TMEM132C: variants seen among roughly 807,000 people sequenced by gnomAD.
TMEM132C encodes the protein transmembrane protein 132C, also known as protein phosphatase 1, regulatory subunit 152.
In TMEM132C, 29 loss-of-function variants were observed where a neutral mutation model predicts 61.4. The ratio of observed to expected loss-of-function variants is 0.47; its 90% confidence interval spans 0.35 to 0.64. The LOEUF is 0.64. Among genes scored for constraint, TMEM132C ranks in the 30% least tolerant of loss-of-function variants. The probability of loss-of-function intolerance (pLI) is 0.00; values close to 1 mark genes in which losing one functional copy is unlikely to be tolerated. For missense variants in TMEM132C, 1,408 were observed against 1,476.9 expected (o/e 0.95, Z 0.76); for synonymous variants, 656 against 633.1 (o/e 1.04, Z -0.54).
chr12:128,669,018 A>G (rs1305584774), intron 4 of TMEM132C, among the ~76,000 whole-genome samples: 4 of 152,222 alleles, frequency 2.6e-5, no homozygotes, highest in Non-Finnish European at 5.9e-5. Context: ...GAGCATGGAT[A>G]TCTTTTGCAG....
chr12:128,288,277 C>T (rs375360456), intron 1 of TMEM132C: 52 of 152,356 alleles, frequency 3.4e-4, no homozygotes, highest in African/African-American at 1.2e-3. Context: ...AGGCTGGTCT[C>T]AAACTCCCTA....
At position 128,485,942 on chromosome 12, in the gene TMEM132C, A is replaced by G. The variant is rs11059714; in HGVS notation, c.975-58015A>G. 7.9e-5 allele frequency among the ~76,000 whole-genome samples: 12 copies of G among 152,330 alleles called. No individual in the cohort carries two copies. In the East Asian group the frequency reaches 1.9e-3, roughly 24 times the overall value. On this transcript the variant is annotated intron_variant, in intron 2 of 8. Coordinates refer to ENST00000435159, the MANE Select transcript of TMEM132C (RefSeq NM_001136103.3). ...GATGTATGTCATGTTTACAGCACGT[A>G]ACGCTTCAAAGTTAGACTTTGAGGT...
At chr12:128,561,985 G>T (rs965471359) in intron 3 of TMEM132C, among the ~76,000 whole-genome samples, 26 of 152,114 alleles carry the variant, frequency 1.7e-4, no homozygotes, top group African/African-American at 6.0e-4. Context: ...AGATGGGTGG[G>T]GTGTTGGGGG....
At chr12:128,308,764 C>T (rs79668906) in intron 1 of TMEM132C, among the ~76,000 whole-genome samples, 2,951 of 152,150 alleles carry the variant, frequency 0.019, 74 homozygotes, top group African/African-American at 0.06. Context: ...TGCACAAGGC[C>T]GGGGGTTTGC....
At chr12:128,531,114 A>G (rs35620012) in intron 2 of TMEM132C, among the ~76,000 whole-genome samples, 39,568 of 152,098 alleles carry the variant, frequency 0.26, 6,191 homozygotes, top group East Asian at 0.42. Flanking sequence ...ATGAAGAAAC[A>G]TTCCTTTTGC....
chr12:128,391,814 G>T (rs10773537), intron 1 of TMEM132C, among the ~76,000 whole-genome samples: 37,842 of 152,120 alleles, frequency 0.25, 5,342 homozygotes, highest in South Asian at 0.4. Context: ...TTTAGACCAG[G>T]GGTCTGGCAA....
intron 2 of TMEM132C, among the ~76,000 whole-genome samples, chr12:128,439,766 G>C (rs370260551): frequency 6.6e-6 from 1 of 152,060 alleles, no homozygotes; most frequent in East Asian, 1.9e-4. Context: ...GTCAAAGGGA[G>C]GGCACAATTG....
chr12:128,301,852 G>T (rs1871606253), intron 1 of TMEM132C, among the ~76,000 whole-genome samples: 1 of 152,182 alleles, frequency 6.6e-6, no homozygotes, highest in African/African-American at 2.4e-5. Context: ...GTTCCATGTG[G>T]CTGGGGAGGC....
chr12:128,626,973 C>T (rs1032523106), intron 4 of TMEM132C, among the ~76,000 whole-genome samples: 5 of 152,186 alleles, frequency 3.3e-5, no homozygotes, highest in African/African-American at 1.2e-4. Flanking sequence ...CACCAAGGGC[C>T]TCTCCCTAGT....
intron 1 of TMEM132C, among the ~76,000 whole-genome samples, chr12:128,362,560 C>A: frequency 6.6e-6 from 1 of 151,958 alleles, no homozygotes; most frequent in East Asian, 1.9e-4. Context: ...ATGCCTGGCA[C>A]CAGACGTGTT....
intron 3 of TMEM132C, among the ~76,000 whole-genome samples, chr12:128,546,235 A>T (rs1873945904): frequency 6.6e-6 from 1 of 152,220 alleles, no homozygotes; most frequent in African/African-American, 2.4e-5. Context: ...AAATGTGTTT[A>T]TGAGTCCCTT....
At chr12:128,371,136 G>A (rs538853490) in intron 1 of TMEM132C, among the ~76,000 whole-genome samples, 1 of 152,136 alleles carries the variant, frequency 6.6e-6, no homozygotes, top group African/African-American at 2.4e-5. Context: ...GGATTTAAAG[G>A]GAAGGGGTTT....
chr12:128,418,202 A>C (rs1386377399), intron 2 of TMEM132C, among the ~76,000 whole-genome samples: 1 of 152,334 alleles, frequency 6.6e-6, no homozygotes, highest in African/African-American at 2.4e-5. Flanking sequence ...ACGTTCCCCA[A>C]ACACGTGTGC....
At chr12:128,615,744 G>C (rs1306231021) in intron 3 of TMEM132C, among the ~76,000 whole-genome samples, 1 of 152,182 alleles carries the variant, frequency 6.6e-6, no homozygotes, top group Non-Finnish European at 1.5e-5. Flanking sequence ...CCCATGGACT[G>C]GTACCGGTTC....
At chr12:128,524,006 C>A (rs1386258727) in intron 2 of TMEM132C, among the ~76,000 whole-genome samples, 1 of 72,670 alleles carries the variant, frequency 1.4e-5, no homozygotes, top group Non-Finnish European at 2.7e-5. Flanking sequence ...GAGCAAGACG[C>A]CATCTCAAAA....
At chr12:128,604,567 G>GATACAAATGGATAGATAGATC (rs1325668423) in intron 3 of TMEM132C, among the ~76,000 whole-genome samples, 6 of 151,290 alleles carry the variant, frequency 4.0e-5, no homozygotes, top group African/African-American at 1.5e-4. Context: ...ATAGATAGAT[G>GATACAAATGGATAGATAGATC]ATACAAATGG....
chr12:128,590,361 A>G (rs1284918126), intron 3 of TMEM132C, among the ~76,000 whole-genome samples: 1 of 152,226 alleles, frequency 6.6e-6, no homozygotes, highest in African/African-American at 2.4e-5. Context: ...CAGAAAATAA[A>G]CCACTCAGGA....
intron 2 of TMEM132C, among the ~76,000 whole-genome samples, chr12:128,476,877 A>G (rs1387386843): frequency 2.0e-5 from 3 of 152,212 alleles, no homozygotes; most frequent in Non-Finnish European, 2.9e-5. Flanking sequence ...ATTTTATTAT[A>G]CTTCCCACGT....
At chr12:128,456,336 C>T (rs1870340349) in intron 2 of TMEM132C, among the ~76,000 whole-genome samples, 2 of 120,956 alleles carry the variant, frequency 1.7e-5, no homozygotes, top group Admixed American at 2.0e-4. Context: ...CATTAAATTG[C>T]ACAGACCTTA....
Sources: gnomAD v4.1 joint callset for allele counts (sites outside exome capture counted in the v4.1 genomes callset) on GRCh38, gnomAD v4.1.1 for gene constraint, MANE v1.5 for transcripts, NCBI Gene and HGNC (gene_info 2026-07-23, HGNC 2026-07-21) for gene names.